Variants in ZNF804B observed in about 807,000 individuals in gnomAD.
ZNF804B encodes the protein zinc finger 804B.
ZNF804B carries 80 observed loss-of-function variants against 101.4 expected under a neutral mutation model. That is an observed-to-expected ratio of 0.79 (90% CI 0.66 to 0.95). The LOEUF (loss-of-function observed/expected upper bound fraction) is 0.95. Ranked by LOEUF, ZNF804B falls within the 40% of genes least tolerant of loss-of-function variation. ZNF804B has a pLI of 0.00. For missense variants in ZNF804B, 1,673 were observed against 1,561.9 expected (o/e 1.07, Z -1.20); for synonymous variants, 622 against 558.8 (o/e 1.11, Z -1.59).
At chr7:88,764,632 T>C (rs1232174685) in intron 1 of ZNF804B, among the ~76,000 whole-genome samples, 1 of 152,160 alleles carries the variant, frequency 6.6e-6, no homozygotes, top group East Asian at 1.9e-4. Context: ...CATCCATCCA[T>C]CCAGAGAACT....
At chr7:89,207,662 C>T (rs1329654130) in intron 1 of ZNF804B, among the ~76,000 whole-genome samples, 1 of 152,176 alleles carries the variant, frequency 6.6e-6, no homozygotes, top group Non-Finnish European at 1.5e-5. Context: ...TTGTGTTTTA[C>T]AGTTATATGA....
At chr7:89,012,038 T>A (rs1355818244) in intron 1 of ZNF804B, among the ~76,000 whole-genome samples, 2 of 152,198 alleles carry the variant, frequency 1.3e-5, no homozygotes, top group Non-Finnish European at 2.9e-5. Context: ...CTCTGAAAGC[T>A]AGGCAGTGGC....
intron 1 of ZNF804B, among the ~76,000 whole-genome samples, chr7:89,159,885 A>G (rs780532574): frequency 1.3e-5 from 2 of 152,148 alleles, no homozygotes; most frequent in Non-Finnish European, 2.9e-5. Flanking sequence ...TTGGACACCT[A>G]TCCTTTGTAC....
chr7:88,935,739 C>T (rs550266138), intron 1 of ZNF804B, among the ~76,000 whole-genome samples: 3 of 151,940 alleles, frequency 2.0e-5, no homozygotes, highest in African/African-American at 7.2e-5. Flanking sequence ...TCTAATTCCT[C>T]ATTTGCTTAG....
intron 1 of ZNF804B, among the ~76,000 whole-genome samples, chr7:88,766,296 A>G (rs1351400726): frequency 2.0e-5 from 3 of 152,180 alleles, no homozygotes; most frequent in Non-Finnish European, 4.4e-5. Flanking sequence ...CAGGCAACAA[A>G]GGGAAACCTT....
chr7:89,021,857 A>G (rs1331789536), intron 1 of ZNF804B, among the ~76,000 whole-genome samples: 1 of 152,158 alleles, frequency 6.6e-6, no homozygotes, highest in Non-Finnish European at 1.5e-5. Flanking sequence ...ACCATGTTGC[A>G]GTGGCTTGGG....
rs560043700 is a variant in ZNF804B at position 89,243,864 on chromosome 7, G to T, written c.249+25569G>T. On this transcript the variant is annotated intron_variant, in intron 2 of 3. Coordinates refer to ENST00000333190, the MANE Select transcript of ZNF804B (RefSeq NM_181646.5). ...AATAAACACTATAAATGTAAACCAA[G>T]GATCAATGCTTCAAAAGCAAATTTA... Among the ~76,000 whole-genome samples, 3 of 151,822 alleles carry T rather than the reference G, an allele frequency of 2.0e-5. No individual in the cohort carries two copies. The South Asian group carries it at 6.2e-4, about 31-fold the overall frequency.
intron 2 of ZNF804B, among the ~76,000 whole-genome samples, chr7:89,274,930 A>G (rs780536590): frequency 6.6e-6 from 1 of 151,818 alleles, no homozygotes; most frequent in Non-Finnish European, 1.5e-5. Flanking sequence ...TCTCACTTCT[A>G]TCCTTATTTA....
intron 1 of ZNF804B, chr7:88,795,660 T>C (rs1790469240): frequency 6.6e-6 from 1 of 152,126 alleles, no homozygotes; most frequent in African/African-American, 2.4e-5. Flanking sequence ...TTTTTTCCTG[T>C]GCTTCTGTCA....
At chr7:89,063,212 AT>A (rs1789403900) in intron 1 of ZNF804B, among the ~76,000 whole-genome samples, 1 of 152,032 alleles carries the variant, frequency 6.6e-6, no homozygotes, top group African/African-American at 2.4e-5. Flanking sequence ...TAAGCTATAT[AT>A]TTTTTTCTTT....
chr7:88,951,275 A>T (rs149914311), intron 1 of ZNF804B, among the ~76,000 whole-genome samples: 1 of 151,896 alleles, frequency 6.6e-6, no homozygotes, highest in Admixed American at 6.6e-5. Context: ...CAAATAAAAA[A>T]TTAAAGAAAA....
rs1306209316 is a variant in ZNF804B at position 89,337,690 on chromosome 7, G to A, written c.*658G>A. 1.1e-4 allele frequency among the ~76,000 whole-genome samples: 16 copies of A among 151,932 alleles called. No homozygotes were observed. The highest frequency in any genetic ancestry group is 1.0e-3 in the Admixed American group (16 of 15,250). ...CACAAATCTATGTCAAGATAATTTT[G>A]TAATTGTAAGAATCAGCAAAATCTA... On this transcript the variant is annotated 3_prime_UTR_variant, in exon 4 of 4. Coordinates refer to ENST00000333190, the MANE Select transcript of ZNF804B (RefSeq NM_181646.5).
intron 1 of ZNF804B, among the ~76,000 whole-genome samples, chr7:89,122,946 G>A (rs781730810): frequency 3.0e-4 from 45 of 151,754 alleles, no homozygotes; most frequent in Admixed American, 6.6e-4. Context: ...TCTGCCTTCC[G>A]CCTAATCTGT....
At chr7:89,254,322 C>T (rs1340103028) in intron 2 of ZNF804B, among the ~76,000 whole-genome samples, 2 of 151,542 alleles carry the variant, frequency 1.3e-5, no homozygotes, top group African/African-American at 4.8e-5. Flanking sequence ...AAATCACTTG[C>T]AGAATATAAT....
intron 1 of ZNF804B, among the ~76,000 whole-genome samples, chr7:89,018,881 T>C (rs993784799): frequency 1.3e-5 from 2 of 152,096 alleles, no homozygotes; most frequent in African/African-American, 4.8e-5. Flanking sequence ...GTGTGTCTTC[T>C]CTCTTTTTAG....
chr7:89,083,568 A>G (rs1789728874), intron 1 of ZNF804B, among the ~76,000 whole-genome samples: 1 of 151,838 alleles, frequency 6.6e-6, no homozygotes, highest in African/African-American at 2.4e-5. Context: ...GGATGTACCT[A>G]ACTTTATATG....
intron 1 of ZNF804B, among the ~76,000 whole-genome samples, chr7:88,974,191 C>T (rs965688503): frequency 3.3e-5 from 5 of 151,214 alleles, no homozygotes; most frequent in African/African-American, 4.8e-5. Flanking sequence ...CTTAGTGAAA[C>T]TCTCTGGGCC....
chr7:89,316,406 C>T (rs1450775158), intron 2 of ZNF804B, among the ~76,000 whole-genome samples: 1 of 152,008 alleles, frequency 6.6e-6, no homozygotes, highest in African/African-American at 2.4e-5. Context: ...TAAAAGGGCT[C>T]CCTTTATCAT....
intron 1 of ZNF804B, among the ~76,000 whole-genome samples, chr7:89,083,614 C>T (rs1789729636): frequency 6.6e-6 from 1 of 151,734 alleles, no homozygotes; most frequent in Admixed American, 6.6e-5. Flanking sequence ...AGCAATATTC[C>T]AAGTGTAGCA....
Sources: allele counts gnomAD v4.1 joint callset (sites outside exome capture counted in the v4.1 genomes callset), GRCh38; gene constraint gnomAD v4.1.1; transcripts MANE v1.5; gene names NCBI Gene and HGNC (gene_info 2026-07-23, HGNC 2026-07-21).